PPP1R13B: variants seen among roughly 807,000 people sequenced by gnomAD.
PPP1R13B encodes the protein protein phosphatase 1 regulatory subunit 13B, also known as apoptosis-stimulating of p53 protein 1.
A neutral mutation model predicts 119.8 loss-of-function variants in PPP1R13B; 44 were observed. That is an observed-to-expected ratio of 0.37 (90% CI 0.29 to 0.47). The LOEUF (loss-of-function observed/expected upper bound fraction) is 0.47, where lower values mean the gene tolerates loss of function less well. Among genes scored for constraint, PPP1R13B ranks in the 20% least tolerant of loss-of-function variants. PPP1R13B has a pLI of 0.99. For synonymous variants in PPP1R13B, 542 were observed against 561.5 expected, an observed-to-expected ratio of 0.97 and a Z score of 0.49; for missense variants, 1,227 against 1,413.5, an observed-to-expected ratio of 0.87 and a Z score of 2.12.
At chr14:103,779,991 T>C (rs2085300348) in intron 3 of PPP1R13B, among the ~76,000 whole-genome samples, 1 of 149,692 alleles carries the variant, frequency 6.7e-6, no homozygotes. Context: ...TCTAGTAAAA[T>C]TACAAAAATT....
intron 2 of PPP1R13B, among the ~76,000 whole-genome samples, chr14:103,794,873 G>A (rs2085720080): frequency 1.3e-5 from 2 of 152,158 alleles, no homozygotes. Flanking sequence ...ATATAATGGT[G>A]AACAACAGAC....
chr14:103,821,259 T>C (rs1407174887), intron 1 of PPP1R13B, among the ~76,000 whole-genome samples: 1 of 152,214 alleles, frequency 6.6e-6, no homozygotes, highest in African/African-American at 2.4e-5. Flanking sequence ...GTCTGTAAAA[T>C]GTCTAGCAAC....
intron 1 of PPP1R13B, among the ~76,000 whole-genome samples, chr14:103,824,039 C>CA (rs2086476788): frequency 1.3e-5 from 1 of 75,112 alleles, no homozygotes; most frequent in Non-Finnish European, 2.4e-5. Flanking sequence ...CTACCTCATC[C>CA]TTTTTTTTTT....
chr14:103,836,272 C>T (rs2086775725), intron 1 of PPP1R13B, among the ~76,000 whole-genome samples: 1 of 150,006 alleles, frequency 6.7e-6, no homozygotes, highest in African/African-American at 2.5e-5. Context: ...TCTCGAATTC[C>T]TGACCTCAGG....
intron 4 of PPP1R13B, among the ~76,000 whole-genome samples, chr14:103,775,246 T>C (rs1474719152): frequency 6.6e-6 from 1 of 151,616 alleles, no homozygotes; most frequent in Non-Finnish European, 1.5e-5. Flanking sequence ...TAATTCTTTC[T>C]TCCTTTCTTT....
chr14:103,775,465 G>A (rs75824136), intron 4 of PPP1R13B, among the ~76,000 whole-genome samples: 3,891 of 152,148 alleles, frequency 0.026, 138 homozygotes, highest in African/African-American at 0.079. Flanking sequence ...AGTAGAGAGA[G>A]GGTTTCACCA....
At chr14:103,782,207 C>A (rs1392596445) in intron 3 of PPP1R13B, among the ~76,000 whole-genome samples, 2 of 152,128 alleles carry the variant, frequency 1.3e-5, no homozygotes, top group Admixed American at 1.3e-4. Flanking sequence ...GATAGATATG[C>A]ACATTACTCT....
At chr14:103,809,216 C>A (rs959226036) in intron 1 of PPP1R13B, among the ~76,000 whole-genome samples, 1 of 152,144 alleles carries the variant, frequency 6.6e-6, no homozygotes, top group East Asian at 1.9e-4. Context: ...TACAATAGAT[C>A]TCAATAACCT....
Position 103,778,719 on chromosome 14 carries a change from A to G in PPP1R13B, c.354+26T>C, listed in dbSNP as rs1407003573. On this transcript the variant is annotated intron_variant, in intron 4 of 16. Transcript: ENST00000202556. ...CTGCACCTAGCCATCAATTTTTAAA[A>G]TTCAATTTAATTCACTGTCACTTAC... 5 of 1,596,120 alleles carry G rather than the reference A, an allele frequency of 3.1e-6. No individual in the cohort carries two copies. In the African/African-American group the frequency reaches 6.7e-5, roughly 21 times the overall value.
intron 8 of PPP1R13B, 92 bp from the exon 9 acceptor site, chr14:103,746,645 C>T: frequency 8.4e-7 from 1 of 1,184,190 alleles, no homozygotes. Context: ...GGACAGAAAG[C>T]ACTCACTCAG....
At chr14:103,766,655 T>C (rs1251668123) in intron 4 of PPP1R13B, among the ~76,000 whole-genome samples, 3 of 152,222 alleles carry the variant, frequency 2.0e-5, no homozygotes, top group African/African-American at 7.2e-5. Flanking sequence ...TGTCACCAGC[T>C]AGAGTGCAGT....
At chr14:103,828,445 T>C (rs947656151) in intron 1 of PPP1R13B, among the ~76,000 whole-genome samples, 3 of 150,640 alleles carry the variant, frequency 2.0e-5, no homozygotes, top group African/African-American at 7.3e-5. Context: ...GTAACATAAA[T>C]TGGTTACATT....
At chr14:103,810,766 A>G (rs1291866802) in intron 1 of PPP1R13B, among the ~76,000 whole-genome samples, 7 of 148,994 alleles carry the variant, frequency 4.7e-5, no homozygotes, top group Admixed American at 4.7e-4. Context: ...GCGAGACTCC[A>G]TCTCAAAAAA....
chr14:103,827,256 AACCCGGC>A (rs1393836957), intron 1 of PPP1R13B, among the ~76,000 whole-genome samples: 2 of 151,992 alleles, frequency 1.3e-5, no homozygotes, highest in Admixed American at 1.3e-4. Flanking sequence ...GAATGGTGTG[AACCCGGC>A]AGGTGGAGCT....
In PPP1R13B at chr14:103,829,363, T is replaced by A. The variant is rs969190851; in HGVS notation, c.9+17936A>T. Among the ~76,000 whole-genome samples the A allele has an allele frequency of 2.6e-5, 4 of 152,166 alleles. No homozygotes were observed. In the East Asian group the frequency reaches 7.7e-4, roughly 29 times the overall value. ...TAAATGCCTATGTGAAATTAAGCAA[T>A]CTCTAAAGCAAGAATGTCTTTGAAC... On this transcript the variant is annotated intron_variant, in intron 1 of 16. Transcript: ENST00000202556.
At chr14:103,771,601 C>T (rs1469480322) in intron 4 of PPP1R13B, among the ~76,000 whole-genome samples, 2 of 151,616 alleles carry the variant, frequency 1.3e-5, no homozygotes, top group Admixed American at 6.6e-5. Flanking sequence ...CTGCCTCATC[C>T]CCCTGAGTAG....
At chr14:103,796,481 G>C (rs1475277497) in intron 2 of PPP1R13B, among the ~76,000 whole-genome samples, 1 of 152,166 alleles carries the variant, frequency 6.6e-6, no homozygotes, top group Non-Finnish European at 1.5e-5. Flanking sequence ...AAGTGTTGAT[G>C]AGAATGTGCA....
chr14:103,791,791 G>C (rs936313304), intron 2 of PPP1R13B, among the ~76,000 whole-genome samples: 6 of 152,114 alleles, frequency 3.9e-5, no homozygotes, highest in Non-Finnish European at 8.8e-5. Flanking sequence ...TTTGAAAGTA[G>C]CATTTTTTTA....
chr14:103,742,234 G>A lies in PPP1R13B; in HGVS notation c.1378C>T (p.Pro460Ser). The A allele has an allele frequency of 1.9e-6, 3 of 1,590,634 alleles. No homozygotes were observed. Among genetic ancestry groups the A allele is most frequent in the Non-Finnish European group, 2.6e-6 (3 of 1,173,696 alleles). The change falls in exon 11 of 17, where the codon CCA becomes TCA. Residue 460 changes from proline (P) to serine (S), a missense_variant. Pro to Ser is a moderately conservative substitution (Grantham distance 74). Transcript: ENST00000202556. This position sits in a 1 kb window ranked among gnomAD's most constrained non-coding sequence, Gnocchi z 4.9. ...GGACTTGGGTATGTCCCATAGCTTG[G>A]AGGCAGCTGCTTGCCTACACCCGGG... ...PIPGVGKQLP[P>S]SYGTYPSPTP...
Sources: allele counts gnomAD v4.1 joint callset (sites outside exome capture counted in the v4.1 genomes callset), GRCh38; gene constraint gnomAD v4.1.1; non-coding constraint Gnocchi (gnomAD v3.1); transcripts MANE v1.5; gene names NCBI Gene and HGNC (gene_info 2026-07-23, HGNC 2026-07-21).